The following CBFA2T3 variants were observed in gnomAD, a reference collection of about 807,000 sequenced individuals.
The protein encoded by CBFA2T3 is transcriptional corepressor CBFA2T3.
In CBFA2T3, 31 loss-of-function variants were observed where a neutral mutation model predicts 58.6. The ratio of observed to expected loss-of-function variants is 0.53; its 90% CI spans 0.40 to 0.71. The LOEUF (loss-of-function observed/expected upper bound fraction) is 0.71, where lower values mean the gene tolerates loss of function less well. CBFA2T3 is among the 30% of genes least tolerant of loss of function. The probability of loss-of-function intolerance (pLI) is 0.00; values close to 1 mark genes in which losing one functional copy is unlikely to be tolerated. For missense variants in CBFA2T3, 1,076 were observed against 963.1 expected, an observed-to-expected ratio of 1.12 and a Z score of -1.55; for synonymous variants, 531 against 421.9, an observed-to-expected ratio of 1.26 and a Z score of -3.17.
At position 88,875,892 on chromosome 16, in the gene CBFA2T3, T is replaced by C. The variant is rs1968814286; in HGVS notation, c.*1084A>G. The C allele has an allele frequency of 4.3e-6, 1 of 233,196 alleles. No individual in the cohort carries two copies. Among genetic ancestry groups the C allele is most frequent in the African/African-American group, 2.2e-5 (1 of 45,384 alleles). 14.4% of individuals were successfully genotyped at this position (233,196 alleles called of 1,614,324 possible). Reference sequence around the variant, plus strand: ...GACGGCGTGTCCTTTCCTACACATATGGAGACGCAGGCCGGAGCAACGGCA... The same window carrying C: ...GACGGCGTGTCCTTTCCTACACATACGGAGACGCAGGCCGGAGCAACGGCA... On this transcript the variant is annotated 3_prime_UTR_variant, in exon 12 of 12. Transcript: ENST00000268679.
intron 1 of CBFA2T3, among the ~76,000 whole-genome samples, chr16:88,916,641 TG>T (rs1339086010): frequency 1.9e-4 from 1 of 5,134 alleles, no homozygotes; most frequent in African/African-American, 1.1e-3. Flanking sequence ...TGGGGAGAGG[TG>T]GGTGGGCTGG....
intron 1 of CBFA2T3, chr16:88,902,523 A>T (rs1970139342): frequency 6.6e-6 from 1 of 152,156 alleles, no homozygotes; most frequent in South Asian, 2.1e-4. Flanking sequence ...GTGGGCCGGG[A>T]CTGGGGGGCA....
intron 3 of CBFA2T3, among the ~76,000 whole-genome samples, chr16:88,897,652 G>T (rs523960): frequency 0.038 from 5,845 of 152,286 alleles, 353 homozygotes; most frequent in African/African-American, 0.13. Flanking sequence ...ACGGGGGGTG[G>T]TACCTGGCCA....
intron 1 of CBFA2T3, chr16:88,940,978 G>C: frequency 7.6e-6 from 7 of 923,970 alleles, no homozygotes; most frequent in Non-Finnish European, 9.1e-6. Context: ...GGCGGAGTCG[G>C]GGTAGAGCGG....
intron 1 of CBFA2T3, among the ~76,000 whole-genome samples, chr16:88,930,121 G>C (rs898783598): frequency 6.9e-6 from 1 of 145,386 alleles, no homozygotes; most frequent in Admixed American, 6.7e-5. Context: ...AATACCCAGA[G>C]CTGCATGGTC....
chr16:88,881,877 C>T (rs1255126695), intron 8 of CBFA2T3, among the ~76,000 whole-genome samples: 1 of 152,254 alleles, frequency 6.6e-6, no homozygotes, highest in African/African-American at 2.4e-5. Flanking sequence ...TGCCTGGCGA[C>T]CCCTCCTGGG....
intron 3 of CBFA2T3, among the ~76,000 whole-genome samples, chr16:88,897,128 T>G (rs959625662): frequency 3.9e-5 from 6 of 152,182 alleles, no homozygotes; most frequent in Non-Finnish European, 7.4e-5. Context: ...CCCTGCTCCT[T>G]GCTGTGGGGG....
chr16:88,900,293 A>G (rs976415213), intron 2 of CBFA2T3, among the ~76,000 whole-genome samples: 1 of 152,144 alleles, frequency 6.6e-6, no homozygotes, highest in African/African-American at 2.4e-5. Flanking sequence ...TCCCCAACCA[A>G]GTCGGGAGGC....
intron 1 of CBFA2T3, among the ~76,000 whole-genome samples, chr16:88,907,905 C>T (rs1970393106): frequency 6.6e-6 from 1 of 152,232 alleles, no homozygotes; most frequent in African/African-American, 2.4e-5. Flanking sequence ...GTTGGGTTTC[C>T]CTCTATGCGG....
In CBFA2T3 at chr16:88,876,471, C is replaced by T. The variant is rs908684650; in HGVS notation, c.*505G>A. ...AGGAGGGGGAGAACCCCCCCGTTTTCTTTGTCCATTTCTGAGTAGCTCTTT... is the reference window on the plus strand; with the variant it reads ...AGGAGGGGGAGAACCCCCCCGTTTTTTTTGTCCATTTCTGAGTAGCTCTTT... On this transcript the variant is annotated 3_prime_UTR_variant, in exon 12 of 12. Coordinates refer to ENST00000268679, the MANE Select transcript of CBFA2T3 (RefSeq NM_005187.6). 1.4e-5 allele frequency: 3 copies of T among 210,108 alleles called. No individual in the cohort carries two copies. Among genetic ancestry groups the T allele is most frequent in the African/African-American group, 6.8e-5 (3 of 44,088 alleles). The allele number at this position is 210,108 out of a possible 1,614,324, so 13.0% of individuals were successfully genotyped here.
intron 2 of CBFA2T3, among the ~76,000 whole-genome samples, chr16:88,899,355 CA>C (rs920573378): frequency 1.2e-4 from 19 of 152,160 alleles, no homozygotes; most frequent in African/African-American, 4.1e-4. Context: ...GAGGCTACCT[CA>C]GGGGTGGCCA....
chr16:88,898,186 A>T (rs1421829197), intron 2 of CBFA2T3, 34 bp from the exon 3 acceptor site: 14 of 1,542,488 alleles, frequency 9.1e-6, no homozygotes, highest in Non-Finnish European at 1.2e-5. Flanking sequence ...CGCTGTCAGG[A>T]GGGGCGTGGG....
chr16:88,879,517 G>A (rs1432206039), intron 10 of CBFA2T3, 57 bp from the exon 11 acceptor site: 6 of 1,533,368 alleles, frequency 3.9e-6, no homozygotes, highest in South Asian at 1.1e-5. Flanking sequence ...ATGGGTCTCT[G>A]GACTTCCTAC....
At chr16:88,913,816 A>C (rs1970603554) in intron 1 of CBFA2T3, among the ~76,000 whole-genome samples, 1 of 152,238 alleles carries the variant, frequency 6.6e-6, no homozygotes, top group African/African-American at 2.4e-5. Flanking sequence ...TCTACTCGAC[A>C]CAAAACTAAG....
chr16:88,973,934 A>G (rs961621192), intron 1 of CBFA2T3, among the ~76,000 whole-genome samples: 3 of 150,092 alleles, frequency 2.0e-5, no homozygotes, highest in Non-Finnish European at 4.4e-5. Context: ...TCCCCATAAC[A>G]CCCGCCCGCC....
chr16:88,915,964 GCATGGGTCTGTATTCATGTGTGTC>G (rs1458617474), intron 1 of CBFA2T3, among the ~76,000 whole-genome samples: 3 of 152,122 alleles, frequency 2.0e-5, no homozygotes, highest in Non-Finnish European at 4.4e-5. Flanking sequence ...GTACGTGGGT[GCATGGGTCTGTATTCATGTGTGTC>G]CATGGGTGCC....
chr16:88,881,323 C>G lies in CBFA2T3; in HGVS notation c.1370G>C (p.Ser457Thr). 4.4e-6 allele frequency: 7 copies of G among 1,588,302 alleles called. No individual in the cohort carries two copies. The highest frequency in any genetic ancestry group is 6.0e-6 in the Non-Finnish European group (7 of 1,168,402). ...GPAPAAARPRSSSAGPEGPQL... is the reference protein window; with the variant it reads ...GPAPAAARPRTSSAGPEGPQL... Reference sequence around the variant, plus strand: ...AGGCCCTTCGGGACCGGCGGAGCTGCTGCGGGGCCGGGCCGCGGCGGGAGC... The same window carrying G: ...AGGCCCTTCGGGACCGGCGGAGCTGGTGCGGGGCCGGGCCGCGGCGGGAGC... Residue 457 changes from serine (S) to threonine (T), a missense_variant, in exon 9 of 12, where the codon AGC becomes ACC. Ser to Thr is a moderately conservative substitution (Grantham distance 58). Transcript: ENST00000268679.
At chr16:88,924,848 T>G (rs2142747501) in intron 1 of CBFA2T3, among the ~76,000 whole-genome samples, 1 of 152,260 alleles carries the variant, frequency 6.6e-6, no homozygotes, top group Non-Finnish European at 1.5e-5. Flanking sequence ...GCCCACAGCT[T>G]CGGGCTGATG....
chr16:88,877,514 C>T (rs2142522030), intron 11 of CBFA2T3, among the ~76,000 whole-genome samples: 1 of 152,320 alleles, frequency 6.6e-6, no homozygotes, highest in South Asian at 2.1e-4. Context: ...CTGCGCTGTG[C>T]TAACTGGACA....
Sources: allele counts gnomAD v4.1 joint callset (sites outside exome capture counted in the v4.1 genomes callset), GRCh38; gene constraint gnomAD v4.1.1; transcripts MANE v1.5; gene names NCBI Gene and HGNC (gene_info 2026-07-23, HGNC 2026-07-21).